The following FARP1 variants were observed in gnomAD, a reference collection of about 807,000 sequenced individuals.
The protein encoded by FARP1 is FERM, ARHGEF and pleckstrin domain-containing protein 1.
A neutral mutation model predicts 128.8 loss-of-function variants in FARP1; 52 were observed. The observed-to-expected ratio is 0.40, with a 90% CI of 0.32 to 0.51. The LOEUF is 0.51. Among genes scored for constraint, FARP1 ranks in the 20% least tolerant of loss-of-function variants. The pLI is 0.45. For missense variants in FARP1, 1,333 were observed against 1,367.9 expected (o/e 0.97, Z 0.40); for synonymous variants, 580 against 551.8 (o/e 1.05, Z -0.72).
At chr13:98,175,523 G>GA (rs5806050) in intron 1 of FARP1, among the ~76,000 whole-genome samples, 128,489 of 150,460 alleles carry the variant, frequency 0.85, 55,878 homozygotes, top group Non-Finnish European at 0.94. Flanking sequence ...TAGCTTTTTT[G>GA]AAAAAAAAAA....
chr13:98,419,483 T>TACACACACACACACACACAC (rs57751374), intron 16 of FARP1, among the ~76,000 whole-genome samples: 23 of 140,046 alleles, frequency 1.6e-4, no homozygotes, highest in South Asian at 4.7e-4. Flanking sequence ...CAAAAAAAAA[T>TACACACACACACACACACAC]ACACACACAC....
intron 14 of FARP1, 137 bp from the exon 15 acceptor site, chr13:98,410,597 A>G (rs1891152841): frequency 1.8e-6 from 1 of 567,568 alleles, no homozygotes; most frequent in Non-Finnish European, 3.3e-6. Context: ...AAAAAGGAGA[A>G]TAAGAATTTT....
chr13:98,368,181 A>G lies in FARP1; in HGVS notation c.384A>G (p.Gln128=). 5.0e-6 allele frequency: 8 copies of G among 1,613,604 alleles called. No homozygotes were observed. Among genetic ancestry groups the G allele is most frequent in the Non-Finnish European group, 6.8e-6 (8 of 1,179,472 alleles). Residue 128 remains glutamine, a synonymous_variant, in exon 5 of 27, where the codon CAA becomes CAG. Transcript: ENST00000319562. ...TTCCGCCTGACCACACACAACTCCAAGAAGAACTCACAAGGTTAGTGGTTT... is the reference window on the plus strand; with the variant it reads ...TTCCGCCTGACCACACACAACTCCAGGAAGAACTCACAAGGTTAGTGGTTT... ...KFFPPDHTQL[Q]EELTRYLFAL... is the part of the protein sequence containing the mutation.
At chr13:98,378,110 T>C (rs1889670843) in intron 6 of FARP1, among the ~76,000 whole-genome samples, 192 bp downstream of exon 6, 1 of 152,214 alleles carries the variant, frequency 6.6e-6, no homozygotes, top group African/African-American at 2.4e-5. Context: ...TATCCCCAAA[T>C]GTTAACTCTT....
At chr13:98,255,996 C>T (rs1883569620) in intron 2 of FARP1, among the ~76,000 whole-genome samples, 1 of 152,228 alleles carries the variant, frequency 6.6e-6, no homozygotes, top group Non-Finnish European at 1.5e-5. Flanking sequence ...AAAGCAACAA[C>T]CCTTCTGGTG....
chr13:98,217,281 A>C (rs1881122044), intron 2 of FARP1, among the ~76,000 whole-genome samples: 1 of 151,898 alleles, frequency 6.6e-6, no homozygotes, highest in South Asian at 2.1e-4. Flanking sequence ...CCTGGTAAAA[A>C]AAAATGCTTG....
intron 2 of FARP1, among the ~76,000 whole-genome samples, chr13:98,331,257 G>A (rs1887498068): frequency 6.6e-6 from 1 of 152,142 alleles, no homozygotes; most frequent in Admixed American, 6.5e-5. Flanking sequence ...ATGCTTATTT[G>A]TAAGTTTCTT....
chr13:98,408,051 A>G (rs1272099504), intron 13 of FARP1, among the ~76,000 whole-genome samples: 1 of 152,196 alleles, frequency 6.6e-6, no homozygotes, highest in Non-Finnish European at 1.5e-5. Context: ...AGACTGGGAA[A>G]TTGAGAAAGC....
At chr13:98,422,504 TG>T (rs1365321713) in intron 16 of FARP1, among the ~76,000 whole-genome samples, 1 of 152,136 alleles carries the variant, frequency 6.6e-6, no homozygotes, top group Non-Finnish European at 1.5e-5. Context: ...TTGGGGAGCC[TG>T]GGGGTGCTCT....
chr13:98,153,239 T>C (rs1594204142), intron 1 of FARP1, among the ~76,000 whole-genome samples: 1 of 143,664 alleles, frequency 7.0e-6, no homozygotes, highest in Non-Finnish European at 1.5e-5. Context: ...TTAGTGAATC[T>C]GTGAAGAAAA....
chr13:98,226,142 C>T (rs567542566), intron 2 of FARP1, among the ~76,000 whole-genome samples: 1 of 152,310 alleles, frequency 6.6e-6, no homozygotes, highest in South Asian at 2.1e-4. Flanking sequence ...GGTCTCAGCT[C>T]TGGAGACCAG....
intron 26 of FARP1, 85 bp from the exon 27 acceptor site, chr13:98,448,151 C>T: frequency 1.8e-5 from 21 of 1,190,074 alleles, no homozygotes; most frequent in Non-Finnish European, 2.5e-5. Context: ...CTGACTTCAC[C>T]TTGTGTTTCT....
At chr13:98,181,379 G>A (rs913939440) in intron 1 of FARP1, among the ~76,000 whole-genome samples, 1 of 152,132 alleles carries the variant, frequency 6.6e-6, no homozygotes, top group African/African-American at 2.4e-5. Flanking sequence ...AATAATAAGT[G>A]AATAGACTTA....
At chr13:98,205,341 G>A (rs1880201018) in intron 1 of FARP1, among the ~76,000 whole-genome samples, 1 of 151,948 alleles carries the variant, frequency 6.6e-6, no homozygotes, top group African/African-American at 2.4e-5. Context: ...TTTCTTTAGG[G>A]ATACCGATTG....
chr13:98,261,565 A>C (rs1042893201), intron 2 of FARP1, among the ~76,000 whole-genome samples: 1 of 150,708 alleles, frequency 6.6e-6, no homozygotes, highest in Non-Finnish European at 1.5e-5. Context: ...CTTTGAATAC[A>C]ATGGGAAGGG....
At chr13:98,373,324 TA>T (rs1271249821) in intron 5 of FARP1, among the ~76,000 whole-genome samples, 1 of 152,132 alleles carries the variant, frequency 6.6e-6, no homozygotes, top group Non-Finnish European at 1.5e-5. Flanking sequence ...TTAAAACAGG[TA>T]AAATATTCAG....
chr13:98,254,311 T>A (rs955197466), intron 2 of FARP1, among the ~76,000 whole-genome samples: 1 of 152,234 alleles, frequency 6.6e-6, no homozygotes, highest in African/African-American at 2.4e-5. Context: ...TTAAAAACTA[T>A]GGGATTCTGA....
chr13:98,373,539 C>G (rs532197339), intron 5 of FARP1, among the ~76,000 whole-genome samples: 2,924 of 129,558 alleles, frequency 0.023, 47 homozygotes, highest in African/African-American at 0.04. Flanking sequence ...GACAGACACA[C>G]ACACACACAC....
At chr13:98,191,029 A>G (rs142628052) in intron 1 of FARP1, among the ~76,000 whole-genome samples, 69 of 152,216 alleles carry the variant, frequency 4.5e-4, no homozygotes, top group African/African-American at 1.5e-3. Context: ...CCCATGCCCA[A>G]TCCTTCCTAA....
Sources: gnomAD v4.1 joint callset for allele counts (sites outside exome capture counted in the v4.1 genomes callset) on GRCh38, gnomAD v4.1.1 for gene constraint, MANE v1.5 for transcripts, NCBI Gene and HGNC (gene_info 2026-07-23, HGNC 2026-07-21) for gene names.